The following GABRB3 variants were observed in gnomAD, a reference collection of about 807,000 sequenced individuals.
The protein encoded by GABRB3 is gamma-aminobutyric acid type A receptor subunit beta3.
A neutral mutation model predicts 52.1 loss-of-function variants in GABRB3; 14 were observed. The observed-to-expected ratio is 0.27, with a 90% confidence interval of 0.18 to 0.42. The LOEUF is 0.42. Among genes scored for constraint, GABRB3 ranks in the 10% least tolerant of loss-of-function variants. GABRB3 has a pLI of 1.00. For synonymous variants in GABRB3, 260 were observed against 232.3 expected (o/e 1.12, Z -1.08); for missense variants, 307 against 609.1 (o/e 0.50, Z 5.22).
chr15:26,596,978 A>AG (rs569519613), intron 4 of GABRB3, among the ~76,000 whole-genome samples: 109 of 152,266 alleles, frequency 7.2e-4, no homozygotes, highest in South Asian at 1.7e-3. Context: ...TAATACAGCA[A>AG]GGGGGGCTGA....
At chr15:26,667,438 GA>G (rs1647143328) in intron 3 of GABRB3, among the ~76,000 whole-genome samples, 1 of 152,196 alleles carries the variant, frequency 6.6e-6, no homozygotes, top group African/African-American at 2.4e-5. Flanking sequence ...ACCAGTTCAG[GA>G]TGGTAAACTC....
At chr15:26,580,526 CA>C (rs1890751912) in intron 5 of GABRB3, 70 bp from the exon 6 acceptor site, 2 of 1,593,720 alleles carry the variant, frequency 1.3e-6, no homozygotes, top group African/African-American at 2.7e-5. Context: ...AATAAACTAT[CA>C]TTAACATGGA....
At chr15:26,610,988 A>G (rs527895259) in intron 4 of GABRB3, among the ~76,000 whole-genome samples, 1 of 152,302 alleles carries the variant, frequency 6.6e-6, no homozygotes, top group African/African-American at 2.4e-5. Context: ...AGAAATGACT[A>G]ATTTAGGCTT....
chr15:26,772,375 G>T (rs370136185), intron 3 of GABRB3, 27 bp downstream of exon 3: 4 of 1,594,404 alleles, frequency 2.5e-6, no homozygotes, highest in African/African-American at 2.7e-5. Flanking sequence ...GGGGCTCAGG[G>T]ACCGCCCTGG....
intron 3 of GABRB3, among the ~76,000 whole-genome samples, chr15:26,762,726 G>A (rs932830687): frequency 6.6e-6 from 1 of 152,128 alleles, no homozygotes; most frequent in Non-Finnish European, 1.5e-5. Flanking sequence ...TCTATAGGAC[G>A]GTGTTCTCTA....
At chr15:26,696,678 C>T (rs527268303) in intron 3 of GABRB3, among the ~76,000 whole-genome samples, 49 of 152,176 alleles carry the variant, frequency 3.2e-4, no homozygotes, top group Admixed American at 5.9e-4. Context: ...TGACTCTTGT[C>T]TCCCCAGCAA....
intron 3 of GABRB3, among the ~76,000 whole-genome samples, chr15:26,733,046 ACACT>A (rs2030914247): frequency 6.6e-6 from 1 of 152,004 alleles, no homozygotes; most frequent in African/African-American, 2.4e-5. Flanking sequence ...AGTGAACATC[ACACT>A]CAATGCTGAA....
chr15:26,723,851 C>T (rs1889704180), intron 3 of GABRB3, among the ~76,000 whole-genome samples: 1 of 152,110 alleles, frequency 6.6e-6, no homozygotes, highest in Admixed American at 6.5e-5. Context: ...CAAAGAAAAA[C>T]TTATCAGACA....
intron 3 of GABRB3, among the ~76,000 whole-genome samples, chr15:26,643,786 C>T (rs1893278227): frequency 1.3e-5 from 2 of 152,156 alleles, no homozygotes; most frequent in Non-Finnish European, 2.9e-5. Context: ...CACCACCTGC[C>T]GTCATAGGGG....
chr15:26,752,348 C>T (rs552627073), intron 3 of GABRB3, among the ~76,000 whole-genome samples: 38 of 151,984 alleles, frequency 2.5e-4, no homozygotes, highest in African/African-American at 9.2e-4. Context: ...ACTGCAACCT[C>T]AACCTCCTGG....
In GABRB3 at chr15:26,606,805, T is replaced by TATAGATAGATAGATAG. The variant is rs59223052; in HGVS notation, c.461+14493_461+14508dup. Among the ~76,000 whole-genome samples the TATAGATAGATAGATAG allele has an allele frequency of 1.6e-3, 187 of 118,050 alleles. 7 individuals are homozygous for TATAGATAGATAGATAG. The highest frequency in any genetic ancestry group is 4.7e-3 in the African/African-American group (170 of 36,092). 77.4% of individuals were successfully genotyped at this position (118,050 alleles called of 152,430 possible). ...AGATATATCTATAGATAGATATATCTATAGATAGATAGATAGATAGATAGA... is the reference window on the plus strand; with the variant it reads ...AGATATATCTATAGATAGATATATCTATAGATAGATAGATAGATAGATAGATAGATAGATAGATAGA... On this transcript the variant is annotated intron_variant, in intron 4 of 8. Coordinates refer to ENST00000311550, the MANE Select transcript of GABRB3 (RefSeq NM_000814.6).
intron 3 of GABRB3, among the ~76,000 whole-genome samples, chr15:26,765,914 A>G (rs1368833112): frequency 6.6e-6 from 1 of 152,196 alleles, no homozygotes; most frequent in East Asian, 1.9e-4. Flanking sequence ...AGAAAGATCA[A>G]AGAAGCAGAA....
intron 7 of GABRB3, among the ~76,000 whole-genome samples, chr15:26,561,836 A>G (rs1027764500): frequency 3.3e-5 from 5 of 152,236 alleles, no homozygotes; most frequent in Non-Finnish European, 7.3e-5. Context: ...TCCTCAACTA[A>G]GAAAGAATCT....
intron 4 of GABRB3, among the ~76,000 whole-genome samples, chr15:26,620,979 A>G (rs1157715245): frequency 6.6e-6 from 1 of 152,118 alleles, no homozygotes; most frequent in Non-Finnish European, 1.5e-5. Context: ...CACTGAAGCC[A>G]CTGCAGTGTC....
intron 8 of GABRB3, chr15:26,557,931 C>T (rs1889817305): frequency 6.6e-6 from 1 of 152,114 alleles, no homozygotes; most frequent in Non-Finnish European, 1.5e-5. Context: ...GCCTCGTACC[C>T]ATAAAGGTAT....
rs980913527 is a variant in GABRB3 at position 26,575,606 on chromosome 15, T to G, written c.682+4713A>C. ...CAGACTAAAGCCTGGAGTTCACAAA[T>G]GGACTCTTAAAGAGAAAGCTGAGTG... On this transcript the variant is annotated intron_variant, in intron 6 of 8. Transcript: ENST00000311550. 5.9e-5 allele frequency among the ~76,000 whole-genome samples: 9 copies of G among 152,316 alleles called. 1 individual carries two copies. The South Asian group carries it at 1.7e-3, about 28-fold the overall frequency.
intron 3 of GABRB3, among the ~76,000 whole-genome samples, chr15:26,710,273 T>G (rs1204511219): frequency 6.6e-6 from 1 of 152,196 alleles, no homozygotes; most frequent in Admixed American, 6.5e-5. Flanking sequence ...TTGTTTTGTT[T>G]TGTTTGAGAC....
intron 3 of GABRB3, among the ~76,000 whole-genome samples, chr15:26,683,952 T>C (rs566929511): frequency 8.5e-5 from 13 of 152,262 alleles, no homozygotes; most frequent in Non-Finnish European, 1.5e-4. Context: ...CTCCAGGTTT[T>C]CAGATGCTGC....
At chr15:26,688,471 GTTGT>G (rs1334629678) in intron 3 of GABRB3, among the ~76,000 whole-genome samples, 2 of 152,174 alleles carry the variant, frequency 1.3e-5, no homozygotes, top group African/African-American at 4.8e-5. Flanking sequence ...TGGTTTTGTG[GTTGT>G]TTGTTTTGTT....
Sources: allele counts gnomAD v4.1 joint callset (sites outside exome capture counted in the v4.1 genomes callset), GRCh38; gene constraint gnomAD v4.1.1; transcripts MANE v1.5; gene names NCBI Gene and HGNC (gene_info 2026-07-23, HGNC 2026-07-21).